Variants in TUSC3 observed in about 807,000 individuals in gnomAD.
TUSC3 encodes the protein dolichyl-diphosphooligosaccharide--protein glycosyltransferase subunit TUSC3.
A neutral mutation model predicts 44.8 loss-of-function variants in TUSC3; 45 were observed. The observed-to-expected ratio is 1.00, with a 90% confidence interval of 0.79 to 1.29. TUSC3 has a LOEUF of 1.29. Among genes scored for constraint, TUSC3 ranks in the 50% most tolerant of loss-of-function variants. The pLI is 0.00. For synonymous variants in TUSC3, 212 were observed against 152.9 expected, an observed-to-expected ratio of 1.39 and a Z score of -2.85; for missense variants, 519 against 437.9, an observed-to-expected ratio of 1.19 and a Z score of -1.65.
chr8:15,645,292 C>A, intron 2 of TUSC3, among the ~76,000 whole-genome samples: 1 of 152,274 alleles, frequency 6.6e-6, no homozygotes, highest in Non-Finnish European at 1.5e-5. Context: ...AGCTTACATT[C>A]TATTACTTGA....
intron 2 of TUSC3, among the ~76,000 whole-genome samples, chr8:15,496,202 C>T (rs909231403): frequency 4.6e-5 from 7 of 152,186 alleles, no homozygotes; most frequent in Non-Finnish European, 7.3e-5. Flanking sequence ...ACAAAATCAT[C>T]TGCTACATTT....
At chr8:15,456,624 C>T (rs1800259943) in intron 1 of TUSC3, among the ~76,000 whole-genome samples, 1 of 151,654 alleles carries the variant, frequency 6.6e-6, no homozygotes, top group Non-Finnish European at 1.5e-5. Flanking sequence ...TTGATGTAGA[C>T]AGAGGTAGGG....
chr8:15,850,876 C>G, the TUSC3 span, among the ~76,000 whole-genome samples: 1 of 152,132 alleles, frequency 6.6e-6, no homozygotes, highest in Non-Finnish European at 1.5e-5. Context: ...GAGTTGAAAC[C>G]TCCTTCGAAT....
chr8:15,773,259 A>T, the TUSC3 span, among the ~76,000 whole-genome samples: 1 of 152,182 alleles, frequency 6.6e-6, no homozygotes, highest in Non-Finnish European at 1.5e-5. Flanking sequence ...ATTAAAAATA[A>T]ATTCACCAGA....
At chr8:15,751,095 A>G (rs1190020540) in intron 9 of TUSC3, among the ~76,000 whole-genome samples, 3 of 152,030 alleles carry the variant, frequency 2.0e-5, no homozygotes, top group Non-Finnish European at 4.4e-5. Context: ...CTCCTGTGCT[A>G]TTGTGTGGGT....
At chr8:15,533,003 G>C (rs1403361414) in intron 2 of TUSC3, among the ~76,000 whole-genome samples, 4 of 152,202 alleles carry the variant, frequency 2.6e-5, no homozygotes, top group African/African-American at 9.7e-5. Context: ...ATGCTGCCCA[G>C]GCTGGTCTTG....
At chr8:15,448,815 T>A (rs1352916810) in intron 1 of TUSC3, among the ~76,000 whole-genome samples, 1 of 152,220 alleles carries the variant, frequency 6.6e-6, no homozygotes, top group Non-Finnish European at 1.5e-5. Flanking sequence ...CATACAGTTA[T>A]GCATTTTGGT....
intron 1 of TUSC3, among the ~76,000 whole-genome samples, chr8:15,562,106 A>T (rs1400099184): frequency 1.3e-5 from 2 of 152,200 alleles, no homozygotes; most frequent in Admixed American, 6.5e-5. Context: ...ACAGCTATGC[A>T]GGAGTCTAGC....
At chr8:15,762,588 CT>C (rs752102222) in intron 10 of TUSC3, among the ~76,000 whole-genome samples, 36 of 152,134 alleles carry the variant, frequency 2.4e-4, no homozygotes, top group Non-Finnish European at 3.5e-4. Flanking sequence ...ACCTTTAGTG[CT>C]CCGTAACTTG....
At chr8:15,623,285 A>T in intron 2 of TUSC3, 36 bp downstream of exon 2, 3 of 1,532,618 alleles carry the variant, frequency 2.0e-6, no homozygotes, top group Non-Finnish European at 2.6e-6. Flanking sequence ...AAAAACTATT[A>T]TTCTTGGTTT....
intron 10 of TUSC3, among the ~76,000 whole-genome samples, 165 bp from the exon 11 acceptor site, chr8:15,764,038 A>G (rs1471304210): frequency 2.0e-5 from 3 of 152,066 alleles, no homozygotes; most frequent in Non-Finnish European, 2.9e-5. Context: ...GGTTAAAGGC[A>G]CTAGTTTAGA....
At chr8:15,750,071 C>T (rs1811628143) in intron 9 of TUSC3, among the ~76,000 whole-genome samples, 1 of 150,872 alleles carries the variant, frequency 6.6e-6, no homozygotes, top group African/African-American at 2.4e-5. Context: ...GCTCCGCCTC[C>T]CAGGTTCACT....
the TUSC3 span, among the ~76,000 whole-genome samples, chr8:15,830,460 G>C: frequency 3.3e-5 from 5 of 152,188 alleles, no homozygotes; most frequent in East Asian, 9.7e-4. Context: ...ACCTGCACTT[G>C]TATATTTATT....
At chr8:15,732,982 A>C (rs1225823820) in intron 7 of TUSC3, among the ~76,000 whole-genome samples, 1 of 152,196 alleles carries the variant, frequency 6.6e-6, no homozygotes, top group Non-Finnish European at 1.5e-5. Flanking sequence ...AAAATTAAGA[A>C]ACTACTGTGA....
chr8:15,651,163 G>C (rs1241495211), intron 3 of TUSC3: 1 of 287,560 alleles, frequency 3.5e-6, no homozygotes, highest in Non-Finnish European at 6.7e-6. Context: ...TTTAACTTTT[G>C]CAACATAGAG....
chr8:15,607,929 A>G (rs1030553598), intron 1 of TUSC3, among the ~76,000 whole-genome samples: 6 of 152,162 alleles, frequency 3.9e-5, no homozygotes, highest in African/African-American at 1.2e-4. Flanking sequence ...ATGAAGTGTC[A>G]TATCTTGAAT....
At chr8:15,825,357 T>C in the TUSC3 span, among the ~76,000 whole-genome samples, 7 of 152,120 alleles carry the variant, frequency 4.6e-5, no homozygotes. Flanking sequence ...AAGGCACGTC[T>C]TACATGGTGG....
rs1315693790 is a variant in TUSC3, at chr8:15,512,941, T to G, written n.189+29458T>G. The stretch of plus-strand genomic sequence containing the variant: ...ATCTATATATATAATCATATATATA[T>G]ATATATATATATATATATGATTCTT... On this transcript the variant is annotated intron_variant and non_coding_transcript_variant, in intron 2 of 5. Coordinates refer to the TUSC3 transcript ENST00000503191. 7.0e-5 allele frequency among the ~76,000 whole-genome samples: 3 copies of G among 42,724 alleles called. No individual in the cohort carries two copies. The South Asian group carries it at 1.7e-3, about 24-fold the overall frequency. 28.0% of individuals were successfully genotyped at this position (42,724 alleles called of 152,430 possible). A position where few individuals can be genotyped will look rare whatever the true frequency, so the allele number is the denominator to read the frequency against.
At chr8:15,827,656 T>A in the TUSC3 span, among the ~76,000 whole-genome samples, 1 of 152,198 alleles carries the variant, frequency 6.6e-6, no homozygotes, top group African/African-American at 2.4e-5. Context: ...AATGTGTACA[T>A]TTGATCTTTG....
Sources: allele counts gnomAD v4.1 joint callset (sites outside exome capture counted in the v4.1 genomes callset), GRCh38; gene constraint gnomAD v4.1.1; transcripts MANE v1.5; gene names NCBI Gene and HGNC (gene_info 2026-07-23, HGNC 2026-07-21).